ARHGEF7: variants seen among roughly 807,000 people sequenced by gnomAD.
The protein encoded by ARHGEF7 is Rho guanine nucleotide exchange factor 7.
ARHGEF7 carries 33 observed loss-of-function variants against 109.8 expected under a neutral mutation model. The ratio of observed to expected loss-of-function variants is 0.30; its 90% CI spans 0.23 to 0.40. The LOEUF (loss-of-function observed/expected upper bound fraction) is 0.40, where lower values mean the gene tolerates loss of function less well. Ranked by LOEUF, ARHGEF7 falls within the 10% of genes least tolerant of loss-of-function variation. The probability of loss-of-function intolerance (pLI) is 1.00; values close to 1 mark genes in which losing one functional copy is unlikely to be tolerated. For missense variants in ARHGEF7, 938 were observed against 1,098.5 expected (o/e 0.85, Z 2.07); for synonymous variants, 458 against 424.6 (o/e 1.08, Z -0.97).
At chr13:111,152,974 CTGCGCTCCTCCACTGCG>C (rs1344809901) in intron 1 of ARHGEF7, among the ~76,000 whole-genome samples, 2 of 152,238 alleles carry the variant, frequency 1.3e-5, no homozygotes, top group African/African-American at 4.8e-5. Context: ...AGGCGCCTTC[CTGCGCTCCTCCACTGCG>C]GTGGATCCAC....
intron 17 of ARHGEF7, among the ~76,000 whole-genome samples, chr13:111,287,497 T>C (rs920635716): frequency 5.9e-5 from 9 of 152,202 alleles, no homozygotes; most frequent in African/African-American, 2.2e-4. Flanking sequence ...AGATCCCTGT[T>C]CTCATAGAGC....
At chr13:111,245,789 G>C (rs146604910) in intron 8 of ARHGEF7, among the ~76,000 whole-genome samples, 124 of 152,318 alleles carry the variant, frequency 8.1e-4, no homozygotes, top group Admixed American at 2.0e-3. Flanking sequence ...GCTCAAATTT[G>C]CCTTTTGTCT....
chr13:111,265,756 A>G (rs935710130), intron 8 of ARHGEF7: 1 of 455,106 alleles, frequency 2.2e-6, no homozygotes, highest in Non-Finnish European at 4.4e-6. Flanking sequence ...GCCCTCATGA[A>G]TAGGATCAGC....
At chr13:111,300,931 G>A (rs2093551503) in intron 20 of ARHGEF7, 84 bp downstream of exon 20, 1 of 806,720 alleles carries the variant, frequency 1.2e-6, no homozygotes, top group Middle Eastern at 2.4e-4. Context: ...TGAGGGCGGG[G>A]GTATGGCTTC....
chr13:111,298,045 C>T (rs139249447), intron 19 of ARHGEF7, among the ~76,000 whole-genome samples: 69 of 152,300 alleles, frequency 4.5e-4, no homozygotes, highest in Non-Finnish European at 8.4e-4. Flanking sequence ...TGTCTGGGCT[C>T]AAAGCAGGAC....
At chr13:111,144,464 C>T (rs1188285356) in intron 1 of ARHGEF7, 2 of 152,168 alleles carry the variant, frequency 1.3e-5, no homozygotes, top group African/African-American at 2.4e-5. Context: ...AAGAGTTGTC[C>T]TGGAGACTTC....
chr13:111,182,547 TG>T, intron 2 of ARHGEF7: 1 of 152,088 alleles, frequency 6.6e-6, no homozygotes, highest in Non-Finnish European at 1.5e-5. Flanking sequence ...TGCCCAGGGG[TG>T]GGGGGAACGT....
intron 2 of ARHGEF7, among the ~76,000 whole-genome samples, chr13:111,186,588 C>T (rs1417502464): frequency 6.6e-6 from 1 of 152,176 alleles, no homozygotes; most frequent in Non-Finnish European, 1.5e-5. Context: ...ACTTAAATAG[C>T]ACCACTTATT....
intron 2 of ARHGEF7, among the ~76,000 whole-genome samples, chr13:111,194,966 C>A (rs1353730247): frequency 6.6e-6 from 1 of 152,342 alleles, no homozygotes; most frequent in East Asian, 1.9e-4. Flanking sequence ...AGAGGAATTA[C>A]TGCCTCATTG....
At chr13:111,284,243 T>C (rs2092921080) in intron 16 of ARHGEF7, among the ~76,000 whole-genome samples, 1 of 152,182 alleles carries the variant, frequency 6.6e-6, no homozygotes, top group Non-Finnish European at 1.5e-5. Context: ...CCTCTGTGTC[T>C]GGTCAAGGCC....
intron 1 of ARHGEF7, among the ~76,000 whole-genome samples, chr13:111,125,488 G>A (rs895263103): frequency 6.6e-6 from 1 of 151,330 alleles, no homozygotes; most frequent in Non-Finnish European, 1.5e-5. Context: ...CGTAAGCCTC[G>A]TCCAGTTTAT....
Position 111,228,160 on chromosome 13 carries a change from G to A in ARHGEF7, c.671-5045G>A, listed in dbSNP as rs995224402. Among the ~76,000 whole-genome samples the A allele has an allele frequency of 1.3e-5, 2 of 152,178 alleles. No individual in the cohort carries two copies. The highest frequency in any genetic ancestry group is 2.4e-5 in the African/African-American group (1 of 41,416). ...TGGCATCCAAAAAAGAGGAGGGGGC[G>A]CTTTTATAGAATGAAAGAGACTTTA... On this transcript the variant is annotated intron_variant, in intron 5 of 21. Coordinates refer to ENST00000646102, the MANE Select transcript of ARHGEF7 (RefSeq NM_001354046.2). The surrounding 1 kb of genome is among the most constrained non-coding windows in gnomAD (Gnocchi z 4.6).
At chr13:111,174,770 G>A (rs552576204) in intron 2 of ARHGEF7, among the ~76,000 whole-genome samples, 114 of 152,324 alleles carry the variant, frequency 7.5e-4, no homozygotes, top group Middle Eastern at 3.4e-3. Context: ...CTGTACGCTG[G>A]GGGTCGTAAG....
At chr13:111,249,887 A>G (rs971771965) in intron 8 of ARHGEF7, among the ~76,000 whole-genome samples, 1 of 152,210 alleles carries the variant, frequency 6.6e-6, no homozygotes, top group Non-Finnish European at 1.5e-5. Context: ...AAAGGCAGAC[A>G]GTGTTGCACA....
intron 5 of ARHGEF7, among the ~76,000 whole-genome samples, chr13:111,230,065 C>T (rs1449470428): frequency 6.6e-6 from 1 of 152,130 alleles, no homozygotes; most frequent in Non-Finnish European, 1.5e-5. Context: ...TGTGTCTCCC[C>T]TCCCCTAGTG....
At chr13:111,197,973 A>G (rs1409392860) in intron 2 of ARHGEF7, among the ~76,000 whole-genome samples, 3 of 151,844 alleles carry the variant, frequency 2.0e-5, no homozygotes, top group Non-Finnish European at 2.9e-5. Context: ...CTTGGGCGAC[A>G]TAACTTTGAG....
At chr13:111,231,665 G>T (rs2086073618) in intron 5 of ARHGEF7, among the ~76,000 whole-genome samples, 1 of 152,146 alleles carries the variant, frequency 6.6e-6, no homozygotes, top group Non-Finnish European at 1.5e-5. Flanking sequence ...GGGGTTGAAG[G>T]CACTGTTTTG....
intron 2 of ARHGEF7, among the ~76,000 whole-genome samples, chr13:111,158,104 T>C (rs1323707848): frequency 1.3e-5 from 2 of 152,242 alleles, no homozygotes; most frequent in African/African-American, 2.4e-5. Flanking sequence ...AAAATTATTA[T>C]AATAAAGCTA....
At chr13:111,208,460 A>G (rs571510318) in intron 3 of ARHGEF7, among the ~76,000 whole-genome samples, 1 of 152,274 alleles carries the variant, frequency 6.6e-6, no homozygotes, top group South Asian at 2.1e-4. Flanking sequence ...TGTCTCTTAA[A>G]ATCATATGTG....
Sources: gnomAD v4.1 joint callset for allele counts (sites outside exome capture counted in the v4.1 genomes callset) on GRCh38, gnomAD v4.1.1 for gene constraint, Gnocchi (gnomAD v3.1) non-coding constraint, MANE v1.5 for transcripts, NCBI Gene and HGNC (gene_info 2026-07-23, HGNC 2026-07-21) for gene names.